Variants in RBPJ observed in about 807,000 individuals in gnomAD.
RBPJ encodes the protein recombination signal binding protein for immunoglobulin kappa J region.
Under a neutral mutation model 67.8 loss-of-function variants are expected in RBPJ, and 9 were observed. The observed-to-expected ratio is 0.13, with a 90% confidence interval of 0.08 to 0.23. The LOEUF (loss-of-function observed/expected upper bound fraction) is 0.23, where lower values mean the gene tolerates loss of function less well. Among genes scored for constraint, RBPJ ranks in the 10% least tolerant of loss-of-function variants. RBPJ has a pLI of 1.00. For synonymous variants in RBPJ, 198 were observed against 203.3 expected (o/e 0.97, Z 0.22); for missense variants, 305 against 595.6 (o/e 0.51, Z 5.08).
intron 1 of RBPJ, among the ~76,000 whole-genome samples, chr4:26,262,243 C>G (rs1389452193): frequency 6.6e-6 from 1 of 151,812 alleles, no homozygotes; most frequent in Non-Finnish European, 1.5e-5. Context: ...CCATGTACAG[C>G]CTAAAATTGT....
intron 1 of RBPJ, among the ~76,000 whole-genome samples, chr4:26,302,240 A>G (rs1722100696): frequency 6.6e-6 from 1 of 152,256 alleles, no homozygotes; most frequent in Non-Finnish European, 1.5e-5. Flanking sequence ...CATGGGTCCC[A>G]GCACAAGGCT....
At chr4:26,214,900 A>T (rs201179931) in intron 1 of RBPJ, among the ~76,000 whole-genome samples, 1 of 12,852 alleles carries the variant, frequency 7.8e-5, no homozygotes, top group Non-Finnish European at 1.4e-4. Flanking sequence ...AAAAAAGAGA[A>T]AAAGAAAGAA....
At chr4:26,327,870 A>T (rs1188806812) in intron 1 of RBPJ, among the ~76,000 whole-genome samples, 2 of 152,058 alleles carry the variant, frequency 1.3e-5, no homozygotes, top group African/African-American at 4.8e-5. Flanking sequence ...CACTCTATAA[A>T]ACTTTTTTAT....
chr4:26,168,804 A>G (rs1167446757), intron 1 of RBPJ, among the ~76,000 whole-genome samples: 7 of 151,626 alleles, frequency 4.6e-5, no homozygotes, highest in African/African-American at 9.7e-5. Flanking sequence ...TTCCCTTCTC[A>G]CTTCATTTCA....
At chr4:26,195,417 C>A (rs1210388689) in intron 1 of RBPJ, among the ~76,000 whole-genome samples, 2 of 152,116 alleles carry the variant, frequency 1.3e-5, no homozygotes, top group South Asian at 2.1e-4. Context: ...TATGATCACA[C>A]CACTGCATTC....
At chr4:26,368,573 T>C (rs1334403450) in intron 1 of RBPJ, among the ~76,000 whole-genome samples, 1 of 152,196 alleles carries the variant, frequency 6.6e-6, no homozygotes, top group Non-Finnish European at 1.5e-5. Flanking sequence ...TCTTTTTCTT[T>C]GGTAAATTTC....
chr4:26,251,323 C>T (rs553203914), intron 1 of RBPJ, among the ~76,000 whole-genome samples: 1 of 151,932 alleles, frequency 6.6e-6, no homozygotes, highest in Non-Finnish European at 1.5e-5. Context: ...TGGACCAGCA[C>T]AGTAGCAAAA....
chr4:26,217,851 C>T (rs1718768542), intron 1 of RBPJ, among the ~76,000 whole-genome samples: 2 of 152,160 alleles, frequency 1.3e-5, no homozygotes, highest in South Asian at 2.1e-4. Context: ...ACAGTCCCTG[C>T]GAAACAGGTC....
intron 1 of RBPJ, among the ~76,000 whole-genome samples, chr4:26,366,838 C>A (rs1193687058): frequency 6.6e-6 from 1 of 152,036 alleles, no homozygotes; most frequent in Admixed American, 6.6e-5. Context: ...AAAAAAAATA[C>A]AAATAGGCCG....
chr4:26,132,242 TTC>T, the RBPJ span, among the ~76,000 whole-genome samples: 1 of 152,190 alleles, frequency 6.6e-6, no homozygotes, highest in African/African-American at 2.4e-5. Context: ...AATTTAAATA[TTC>T]TCACAGAGAC....
intron 1 of RBPJ, among the ~76,000 whole-genome samples, chr4:26,340,773 C>T (rs988408137): frequency 3.3e-5 from 5 of 151,192 alleles, no homozygotes; most frequent in African/African-American, 7.3e-5. Flanking sequence ...GCAGGAGAAT[C>T]GCTTGAACCC....
intron 1 of RBPJ, among the ~76,000 whole-genome samples, chr4:26,378,896 G>A (rs773691433): frequency 1.3e-5 from 2 of 151,934 alleles, no homozygotes; most frequent in Non-Finnish European, 2.9e-5. Flanking sequence ...CATAATGGTG[G>A]GTGCCTGTAA....
intron 1 of RBPJ, among the ~76,000 whole-genome samples, chr4:26,301,781 TA>T (rs1722087113): frequency 6.6e-6 from 1 of 151,880 alleles, no homozygotes; most frequent in African/African-American, 2.4e-5. Context: ...ATATGAAGCC[TA>T]AGGATAATTT....
intron 1 of RBPJ, among the ~76,000 whole-genome samples, chr4:26,303,218 AATAAATG>A (rs1291304576): frequency 1.4e-5 from 2 of 146,502 alleles, no homozygotes; most frequent in African/African-American, 5.0e-5. Flanking sequence ...ATAAATAAAT[AATAAATG>A]AATAAATATA....
rs540855228 is a variant in RBPJ, at chr4:26,434,655, G to A, written c.*3648G>A. ...TAAATGTTTGCCAGCATTCAGTACT[G>A]TGTTGGTCCAGATGTAGGTTTATAT... On this transcript the variant is annotated 3_prime_UTR_variant, in exon 11 of 11. Transcript: ENST00000355476. 1 of 152,314 alleles carries A rather than the reference G, an allele frequency of 6.6e-6. No individual in the cohort carries two copies. The highest frequency in any genetic ancestry group is 1.9e-4 in the East Asian group (1 of 5,182). 9.4% of individuals were successfully genotyped at this position (152,314 alleles called of 1,614,324 possible).
At chr4:26,245,260 G>A (rs1394313427) in intron 1 of RBPJ, among the ~76,000 whole-genome samples, 1 of 140,714 alleles carries the variant, frequency 7.1e-6, no homozygotes, top group Non-Finnish European at 1.5e-5. Flanking sequence ...ACAGGCTGGA[G>A]TCCAGTGGTG....
At chr4:26,417,222 C>T (rs527957392) in intron 4 of RBPJ, among the ~76,000 whole-genome samples, 2 of 152,156 alleles carry the variant, frequency 1.3e-5, no homozygotes, top group Admixed American at 6.5e-5. Flanking sequence ...CTTCATTGCT[C>T]ATTTTAACCA....
At chr4:26,178,653 C>T (rs1716880077) in intron 1 of RBPJ, among the ~76,000 whole-genome samples, 1 of 148,670 alleles carries the variant, frequency 6.7e-6, no homozygotes, top group South Asian at 2.1e-4. Flanking sequence ...CCCTTAGCCT[C>T]AGGCCAGACT....
intron 1 of RBPJ, among the ~76,000 whole-genome samples, chr4:26,329,374 T>C (rs1019288910): frequency 2.0e-5 from 3 of 152,116 alleles, no homozygotes; most frequent in Admixed American, 6.5e-5. Flanking sequence ...ATAAGAGAAA[T>C]ATAATCAAAA....
Sources: gnomAD v4.1 joint callset for allele counts (sites outside exome capture counted in the v4.1 genomes callset) on GRCh38, gnomAD v4.1.1 for gene constraint, MANE v1.5 for transcripts, NCBI Gene and HGNC (gene_info 2026-07-23, HGNC 2026-07-21) for gene names.